Variants in NMNAT3 observed in about 807,000 individuals in gnomAD.
The protein encoded by NMNAT3 is nicotinamide nucleotide adenylyltransferase 3.
A neutral mutation model predicts 24.8 loss-of-function variants in NMNAT3; 21 were observed. The ratio of observed to expected loss-of-function variants is 0.85; its 90% CI spans 0.60 to 1.22. NMNAT3 has a LOEUF of 1.22. Among genes scored for constraint, NMNAT3 ranks in the 50% most tolerant of loss-of-function variants. The probability of loss-of-function intolerance (pLI) is 0.00; values close to 1 mark genes in which losing one functional copy is unlikely to be tolerated. For missense variants in NMNAT3, 387 were observed against 436.6 expected (o/e 0.89, Z 1.01); for synonymous variants, 136 against 155.2 (o/e 0.88, Z 0.92).
intron 3 of NMNAT3, among the ~76,000 whole-genome samples, chr3:139,606,712 A>G (rs1222780650): frequency 6.6e-6 from 1 of 152,196 alleles, no homozygotes; most frequent in Non-Finnish European, 1.5e-5. Context: ...TACAATATTA[A>G]TTAGTATTCT....
intron 3 of NMNAT3, among the ~76,000 whole-genome samples, chr3:139,612,365 A>T (rs955604241): frequency 1.3e-5 from 2 of 152,154 alleles, no homozygotes; most frequent in Admixed American, 6.5e-5. Context: ...TTTCCAGATG[A>T]GCAGGCAAGC....
intron 3 of NMNAT3, among the ~76,000 whole-genome samples, chr3:139,607,206 A>T (rs1422047469): frequency 1.3e-5 from 2 of 151,992 alleles, no homozygotes; most frequent in East Asian, 3.8e-4. Context: ...GTGTACACAC[A>T]CCACTCTGTA....
chr3:139,582,655 A>AG (rs2053706902), intron 4 of NMNAT3, among the ~76,000 whole-genome samples: 1 of 149,722 alleles, frequency 6.7e-6, no homozygotes, highest in Non-Finnish European at 1.5e-5. Context: ...AAAAAAAAAA[A>AG]AAAAAAAAAG....
intron 6 of NMNAT3, chr3:139,568,592 A>G (rs1282995793): frequency 2.0e-5 from 3 of 152,144 alleles, no homozygotes; most frequent in Non-Finnish European, 2.9e-5. Flanking sequence ...CCTTCATTTC[A>G]TTATTTACCC....
chr3:139,562,663 C>T (rs555742796), intron 6 of NMNAT3, among the ~76,000 whole-genome samples: 21 of 152,272 alleles, frequency 1.4e-4, no homozygotes, highest in African/African-American at 5.1e-4. Context: ...AGCACTGGAG[C>T]AACTGTGGAA....
At chr3:139,617,478 T>C (rs977770391) in intron 3 of NMNAT3, among the ~76,000 whole-genome samples, 3 of 152,120 alleles carry the variant, frequency 2.0e-5, no homozygotes, top group Non-Finnish European at 2.9e-5. Flanking sequence ...ATCTGTAAAA[T>C]AGGGAGAATA....
intron 1 of NMNAT3, among the ~76,000 whole-genome samples, chr3:139,642,959 A>G (rs1034141017): frequency 1.3e-5 from 2 of 152,066 alleles, no homozygotes; most frequent in African/African-American, 2.4e-5. Flanking sequence ...CTGTCTATTA[A>G]ATTTTGCCCC....
chr3:139,604,064 C>T (rs1188172754), intron 3 of NMNAT3, among the ~76,000 whole-genome samples: 1 of 152,100 alleles, frequency 6.6e-6, no homozygotes, highest in Non-Finnish European at 1.5e-5. Context: ...GACTTCTGAT[C>T]CAAGGTAGGG....
intron 2 of NMNAT3, among the ~76,000 whole-genome samples, chr3:139,631,603 A>T (rs2056300550): frequency 2.6e-5 from 4 of 152,176 alleles, no homozygotes; most frequent in Admixed American, 2.6e-4. Context: ...GGAATTTATC[A>T]TTAAACTGGA....
intron 1 of NMNAT3, among the ~76,000 whole-genome samples, chr3:139,650,462 G>A (rs1471521693): frequency 2.0e-5 from 3 of 152,160 alleles, no homozygotes; most frequent in Admixed American, 6.5e-5. Context: ...TTAACATGTG[G>A]TCTAAACCCC....
chr3:139,603,996 G>T (rs930273577), intron 3 of NMNAT3, among the ~76,000 whole-genome samples: 5 of 152,222 alleles, frequency 3.3e-5, no homozygotes, highest in African/African-American at 1.2e-4. Context: ...TAGCCATCAA[G>T]TGGAACCAGA....
At chr3:139,621,460 C>T (rs1418209595) in intron 3 of NMNAT3, among the ~76,000 whole-genome samples, 2 of 152,138 alleles carry the variant, frequency 1.3e-5, no homozygotes, top group African/African-American at 4.8e-5. Context: ...CACTGCAAGC[C>T]ACCCAGGTTC....
Position 139,583,082 on chromosome 3 carries a change from G to C in NMNAT3, c.236C>G (p.Pro79Arg). 1 of 1,594,158 alleles carries C rather than the reference G, an allele frequency of 6.3e-7. No homozygotes were observed. Among genetic ancestry groups the C allele is most frequent in the Non-Finnish European group, 8.6e-7 (1 of 1,165,668 alleles). The stretch of plus-strand genomic sequence containing the variant: ...TTTGCGTTTAAAAGATGACTTGTCA[G>C]GGTCATCATTTTTGCTGCTAACATT... Residue 79 changes from proline to arginine, a missense_variant, in exon 4 of 7, where the codon CCT becomes CGT. Coordinates refer to ENST00000643695, the MANE Select transcript of NMNAT3 (RefSeq NM_001320510.2).
rs1315281322 is a variant in NMNAT3, at chr3:139,636,182, G to A, written c.-41+1781C>T. 2.6e-5 allele frequency: 4 copies of A among 152,038 alleles called. No homozygotes were observed. In the East Asian group the frequency reaches 7.7e-4, roughly 29 times the overall value. The allele number at this position is 152,038 out of a possible 1,614,324, so 9.4% of individuals were successfully genotyped here. On this transcript the variant is annotated intron_variant, in intron 2 of 6. Transcript: ENST00000643695. ...TACACAGCTAAACCTAATTCTAACTGCTATGCCAATATTTAATGAATGTTT... is the reference window on the plus strand; with the variant it reads ...TACACAGCTAAACCTAATTCTAACTACTATGCCAATATTTAATGAATGTTT...
chr3:139,623,453 A>G (rs1040424104), intron 3 of NMNAT3, among the ~76,000 whole-genome samples: 4 of 152,196 alleles, frequency 2.6e-5, no homozygotes, highest in African/African-American at 9.7e-5. Flanking sequence ...TTTTAAATAA[A>G]CAGAAGAAAT....
intron 3 of NMNAT3, among the ~76,000 whole-genome samples, chr3:139,606,230 T>TA (rs1312641529): frequency 6.6e-6 from 1 of 152,228 alleles, no homozygotes; most frequent in Non-Finnish European, 1.5e-5. Flanking sequence ...GTCCTGTATC[T>TA]ACAGTCTCTG....
chr3:139,615,464 C>CTATCTATCT (rs1438028853), intron 3 of NMNAT3, among the ~76,000 whole-genome samples: 5,335 of 106,448 alleles, frequency 0.05, 137 homozygotes, highest in East Asian at 0.12. Context: ...TCTATCTATC[C>CTATCTATCT]ATCCACCCAC....
chr3:139,634,836 C>G (rs2056441540), intron 2 of NMNAT3, 189 bp from the exon 3 acceptor site: 1 of 152,160 alleles, frequency 6.6e-6, no homozygotes, highest in Admixed American at 6.5e-5. Context: ...TAAAGTACGT[C>G]TGAGTAACTA....
At chr3:139,636,044 G>T (rs1191350157) in intron 2 of NMNAT3, 1 of 152,140 alleles carries the variant, frequency 6.6e-6, no homozygotes, top group Admixed American at 6.5e-5. Flanking sequence ...AGAAAACCAG[G>T]ACTTGATGAC....
Sources: allele counts gnomAD v4.1 joint callset (sites outside exome capture counted in the v4.1 genomes callset), GRCh38; gene constraint gnomAD v4.1.1; transcripts MANE v1.5; gene names NCBI Gene and HGNC (gene_info 2026-07-23, HGNC 2026-07-21).